Variants in UTRN observed in about 807,000 individuals in gnomAD.
The protein encoded by UTRN is dystrophin-related protein 1.
A neutral mutation model predicts 463.9 loss-of-function variants in UTRN; 283 were observed. That is an observed-to-expected ratio of 0.61 (90% confidence interval 0.55 to 0.67). The LOEUF is 0.67. Ranked by LOEUF, UTRN falls within the 30% of genes least tolerant of loss-of-function variation. The pLI, the probability that UTRN is intolerant of heterozygous loss-of-function variation, is 0.00. For missense variants in UTRN, 3,922 were observed against 4,084.3 expected (o/e 0.96, Z 1.08); for synonymous variants, 1,442 against 1,431.5 (o/e 1.01, Z -0.17).
At chr6:144,768,949 T>TG (rs1793670773) in intron 58 of UTRN, among the ~76,000 whole-genome samples, 1 of 73,746 alleles carries the variant, frequency 1.4e-5, no homozygotes, top group Non-Finnish European at 2.4e-5. Context: ...TTGTTTTTTG[T>TG]TTTGTTTTGT....
intron 30 of UTRN, among the ~76,000 whole-genome samples, chr6:144,489,776 C>A (rs774812547): frequency 6.6e-6 from 1 of 151,934 alleles, no homozygotes; most frequent in Non-Finnish European, 1.5e-5. Flanking sequence ...CGCCCGCCAC[C>A]GTGCCCAGCT....
intron 9 of UTRN, among the ~76,000 whole-genome samples, chr6:144,433,248 C>G (rs1459202494): frequency 6.6e-6 from 1 of 151,968 alleles, no homozygotes; most frequent in Non-Finnish European, 1.5e-5. Context: ...CTCCTCACTT[C>G]CCAGTAGGGG....
chr6:144,363,484 A>T (rs1340041832), intron 2 of UTRN, among the ~76,000 whole-genome samples: 3 of 152,144 alleles, frequency 2.0e-5, no homozygotes. Context: ...TGGGCCTTAC[A>T]TCTTCCCTCT....
chr6:144,836,971 G>T (rs972608955), intron 71 of UTRN: 1 of 171,522 alleles, frequency 5.8e-6, no homozygotes, highest in African/African-American at 2.4e-5. Flanking sequence ...TTGAGTTAAA[G>T]ATGGTTATTA....
At chr6:144,766,018 G>A (rs1314296149) in intron 58 of UTRN, among the ~76,000 whole-genome samples, 1 of 151,460 alleles carries the variant, frequency 6.6e-6, no homozygotes, top group Non-Finnish European at 1.5e-5. Context: ...GAGTGGATGA[G>A]GAAGTTGAAT....
At chr6:144,688,366 A>G (rs1431798970) in intron 52 of UTRN, among the ~76,000 whole-genome samples, 1 of 151,986 alleles carries the variant, frequency 6.6e-6, no homozygotes, top group East Asian at 1.9e-4. Context: ...TTTATCTGGT[A>G]TTTCCAAAGA....
In UTRN at chr6:144,796,271, C is replaced by G. The variant is rs548962518; in HGVS notation, c.9079-1553C>G. Among the ~76,000 whole-genome samples the G allele has an allele frequency of 3.3e-5, 5 of 152,178 alleles. No individual in the cohort carries two copies. In the South Asian group the frequency reaches 8.3e-4, roughly 25 times the overall value. On this transcript the variant is annotated intron_variant, in intron 63 of 74. Coordinates refer to ENST00000367545, the MANE Select transcript of UTRN (RefSeq NM_007124.3). ...ATCTTGGGCCTCTTTTATAAGGGCA[C>G]TAACCTCATTCAAGAGGGCTCCACC...
At chr6:144,653,572 C>T (rs531582139) in intron 51 of UTRN, among the ~76,000 whole-genome samples, 4 of 148,952 alleles carry the variant, frequency 2.7e-5, no homozygotes, top group African/African-American at 7.4e-5. Context: ...GGCGACAGAG[C>T]GAGACTCCAT....
At chr6:144,715,818 A>G (rs1380106368) in intron 53 of UTRN, among the ~76,000 whole-genome samples, 1 of 150,962 alleles carries the variant, frequency 6.6e-6, no homozygotes, top group East Asian at 1.9e-4. Flanking sequence ...TAAAAGTTGA[A>G]TGTTGACTGA....
At chr6:144,397,649 A>T (rs964535563) in intron 2 of UTRN, among the ~76,000 whole-genome samples, 2 of 151,870 alleles carry the variant, frequency 1.3e-5, no homozygotes, top group African/African-American at 4.8e-5. Flanking sequence ...ATTGAGTCTG[A>T]GGCTGAAATG....
intron 2 of UTRN, among the ~76,000 whole-genome samples, chr6:144,392,387 C>A (rs1384312911): frequency 6.6e-6 from 1 of 152,166 alleles, no homozygotes; most frequent in Non-Finnish European, 1.5e-5. Context: ...CCCAGACTCA[C>A]TAGATTTTTA....
At chr6:144,625,316 T>C (rs1775837897) in intron 51 of UTRN, among the ~76,000 whole-genome samples, 1 of 152,232 alleles carries the variant, frequency 6.6e-6, no homozygotes, top group African/African-American at 2.4e-5. Flanking sequence ...ATACCCTTAC[T>C]GGCTACCTGT....
At chr6:144,559,961 T>C (rs1049165256) in intron 50 of UTRN, among the ~76,000 whole-genome samples, 2 of 152,120 alleles carry the variant, frequency 1.3e-5, no homozygotes, top group Non-Finnish European at 2.9e-5. Context: ...TTCTGAAGAA[T>C]TGGCAGTAAA....
At chr6:144,588,018 C>T (rs532034534) in intron 51 of UTRN, among the ~76,000 whole-genome samples, 14 of 152,240 alleles carry the variant, frequency 9.2e-5, no homozygotes, top group Non-Finnish European at 1.3e-4. Context: ...CTCCATCTAA[C>T]CCTCTCTATG....
At chr6:144,791,409 C>T (rs1275827259) in intron 62 of UTRN, among the ~76,000 whole-genome samples, 2 of 151,984 alleles carry the variant, frequency 1.3e-5, no homozygotes, top group East Asian at 3.9e-4. Context: ...CTTGCCTCAT[C>T]AAAAACACAT....
rs565084243 is a variant in UTRN at position 144,436,490 on chromosome 6, AT to A, written c.1059+354del. ...AGATTTGAGTGTTCCCTAGGAAATG[AT>A]TATTCTTTTTAATTGCATGATTAAG... On this transcript the variant is annotated intron_variant, in intron 10 of 74. Transcript: ENST00000367545. 2.1e-3 allele frequency among the ~76,000 whole-genome samples: 316 copies of A among 152,186 alleles called. 1 individual carries two copies. The highest frequency in any genetic ancestry group is 3.8e-3 in the Non-Finnish European group (256 of 68,022).
intron 17 of UTRN, among the ~76,000 whole-genome samples, chr6:144,449,174 G>A (rs564840131): frequency 8.5e-5 from 13 of 152,130 alleles, no homozygotes; most frequent in African/African-American, 2.9e-4. Flanking sequence ...AAAGTGCAGG[G>A]GATCCTTAAC....
intron 58 of UTRN, among the ~76,000 whole-genome samples, chr6:144,759,428 A>G (rs1792385562): frequency 6.6e-6 from 1 of 152,156 alleles, no homozygotes; most frequent in Non-Finnish European, 1.5e-5. Flanking sequence ...CTTGAATTTA[A>G]TCTTACAAAT....
chr6:144,745,671 A>G (rs1434819329), intron 54 of UTRN, among the ~76,000 whole-genome samples: 1 of 152,194 alleles, frequency 6.6e-6, no homozygotes, highest in African/African-American at 2.4e-5. Context: ...GCAGCAGATG[A>G]TGTTTTGTCA....
Sources: gnomAD v4.1 joint callset for allele counts (sites outside exome capture counted in the v4.1 genomes callset) on GRCh38, gnomAD v4.1.1 for gene constraint, MANE v1.5 for transcripts, NCBI Gene and HGNC (gene_info 2026-07-23, HGNC 2026-07-21) for gene names.